TMEM132B: variants seen among roughly 807,000 people sequenced by gnomAD.
The protein encoded by TMEM132B is transmembrane protein 132B.
TMEM132B carries 18 observed loss-of-function variants against 90.8 expected under a neutral mutation model. That is an observed-to-expected ratio of 0.20 (90% CI 0.14 to 0.29). The LOEUF is 0.29. Ranked by LOEUF, TMEM132B falls within the 10% of genes least tolerant of loss-of-function variation. The probability of loss-of-function intolerance (pLI) is 1.00; values close to 1 mark genes in which losing one functional copy is unlikely to be tolerated. For missense variants in TMEM132B, 1,096 were observed against 1,326.8 expected (o/e 0.83, Z 2.70); for synonymous variants, 504 against 523.3 (o/e 0.96, Z 0.50).
intron 1 of TMEM132B, among the ~76,000 whole-genome samples, chr12:125,187,277 C>T (rs901493398): frequency 6.6e-6 from 1 of 152,190 alleles, no homozygotes; most frequent in Non-Finnish European, 1.5e-5. Context: ...TCTTGCTGCC[C>T]GCGGTCGCAC....
At chr12:125,582,657 C>G (rs1205932028) in intron 4 of TMEM132B, among the ~76,000 whole-genome samples, 1 of 152,186 alleles carries the variant, frequency 6.6e-6, no homozygotes, top group Non-Finnish European at 1.5e-5. Context: ...CTCAGTGGTT[C>G]TTTAATTCAC....
intron 1 of TMEM132B, among the ~76,000 whole-genome samples, chr12:125,300,159 AC>A (rs1875784909): frequency 6.8e-6 from 1 of 147,618 alleles, no homozygotes. Context: ...CCCTCTCCCT[AC>A]CCCAGCCACG....
At chr12:125,642,371 T>G (rs754228335) in intron 5 of TMEM132B, among the ~76,000 whole-genome samples, 13 of 152,216 alleles carry the variant, frequency 8.5e-5, no homozygotes, top group Non-Finnish European at 1.5e-4. Context: ...CTTGCTTCAT[T>G]GTTGTTCTTC....
intron 2 of TMEM132B, among the ~76,000 whole-genome samples, chr12:125,362,599 C>T (rs1340571243): frequency 6.6e-6 from 1 of 152,180 alleles, no homozygotes; most frequent in Non-Finnish European, 1.5e-5. Context: ...ACACTCACCA[C>T]ATAGCAATGT....
chr12:125,233,502 G>A (rs78004377), intron 1 of TMEM132B, among the ~76,000 whole-genome samples: 5,543 of 152,308 alleles, frequency 0.036, 116 homozygotes, highest in Non-Finnish European at 0.041. Flanking sequence ...CCCACCCCAT[G>A]CTTTTACTTA....
intron 3 of TMEM132B, among the ~76,000 whole-genome samples, chr12:125,421,385 A>G (rs939350049): frequency 7.9e-5 from 12 of 152,232 alleles, no homozygotes; most frequent in Admixed American, 1.3e-4. Flanking sequence ...TGAGGAGCAA[A>G]GTCACATCTT....
intron 5 of TMEM132B, among the ~76,000 whole-genome samples, chr12:125,637,938 G>A (rs944459981): frequency 6.6e-6 from 1 of 152,202 alleles, no homozygotes; most frequent in Non-Finnish European, 1.5e-5. Flanking sequence ...GTTTTCATGG[G>A]TGGACACTGC....
intron 1 of TMEM132B, among the ~76,000 whole-genome samples, chr12:125,336,391 C>T (rs1876961809): frequency 1.3e-5 from 2 of 152,198 alleles, no homozygotes; most frequent in South Asian, 4.1e-4. Context: ...ACCATTCCCT[C>T]AAATGACATT....
At position 125,401,503 on chromosome 12, in the gene TMEM132B, G is replaced by T. The variant is rs552319297; in HGVS notation, c.960-14028G>T. ...TTCACTGAGAGGTGACATTTGTCCAGATCTGAAGGAGATTAGGGAATGAGT... is the reference window on the plus strand; with the variant it reads ...TTCACTGAGAGGTGACATTTGTCCATATCTGAAGGAGATTAGGGAATGAGT... On this transcript the variant is annotated intron_variant, in intron 2 of 8. Transcript: ENST00000682704. Among the ~76,000 whole-genome samples, 218 of 152,254 alleles carry T rather than the reference G, an allele frequency of 1.4e-3. 1 individual carries two copies. Among genetic ancestry groups the T allele is most frequent in the Non-Finnish European group, 2.1e-3 (140 of 68,008 alleles).
chr12:125,279,494 A>G (rs11058121), intron 1 of TMEM132B, among the ~76,000 whole-genome samples: 9,460 of 152,218 alleles, frequency 0.062, 1,002 homozygotes, highest in African/African-American at 0.22. Flanking sequence ...CTAGTCCCCA[A>G]TACAAACCCT....
intron 1 of TMEM132B, among the ~76,000 whole-genome samples, chr12:125,293,272 G>T (rs1043107759): frequency 3.3e-5 from 5 of 152,220 alleles, no homozygotes; most frequent in African/African-American, 1.2e-4. Context: ...TTAGTAAAGC[G>T]TATTGCAGCA....
chr12:125,438,666 C>T (rs1880771504), intron 3 of TMEM132B, among the ~76,000 whole-genome samples: 2 of 102,546 alleles, frequency 2.0e-5, no homozygotes, highest in Non-Finnish European at 1.8e-5. Context: ...ATTCTCCTTC[C>T]TCCTTCTTCC....
At chr12:125,502,507 A>G (rs1294168633) in intron 3 of TMEM132B, among the ~76,000 whole-genome samples, 2 of 152,212 alleles carry the variant, frequency 1.3e-5, no homozygotes, top group Non-Finnish European at 2.9e-5. Flanking sequence ...TTCTGGACTG[A>G]AGGGAGATAC....
intron 1 of TMEM132B, among the ~76,000 whole-genome samples, chr12:125,224,729 T>C (rs1565978493): frequency 6.6e-6 from 1 of 152,266 alleles, no homozygotes. Context: ...CCATTTCTTT[T>C]AGAAAGCCTT....
rs893021843 is a variant in TMEM132B, at chr12:125,459,007, C to G, written c.1106+43330C>G. On this transcript the variant is annotated intron_variant, in intron 3 of 8. Coordinates refer to ENST00000682704, the MANE Select transcript of TMEM132B (RefSeq NM_001366854.1). This position sits in a 1 kb window ranked among gnomAD's most constrained non-coding sequence, Gnocchi z 4.1. The stretch of plus-strand genomic sequence containing the variant: ...GGAGCTCAGATTCCCTGTGGTCCCC[C>G]CATGTGCAATTAGCATCTTCGGGTG... Among the ~76,000 whole-genome samples the G allele has an allele frequency of 1.3e-5, 2 of 152,182 alleles. No homozygotes were observed. Among genetic ancestry groups the G allele is most frequent in the African/African-American group, 2.4e-5 (1 of 41,432 alleles).
intron 3 of TMEM132B, among the ~76,000 whole-genome samples, chr12:125,462,738 A>C (rs571383000): frequency 6.6e-6 from 1 of 152,208 alleles, no homozygotes; most frequent in Non-Finnish European, 1.5e-5. Context: ...AAATATTTCT[A>C]TGACCTTCTT....
chr12:125,467,678 C>T (rs887195376), intron 3 of TMEM132B, among the ~76,000 whole-genome samples: 2 of 152,178 alleles, frequency 1.3e-5, no homozygotes, highest in Non-Finnish European at 2.9e-5. Context: ...ATTCACATTG[C>T]TGTAGAACCA....
chr12:125,519,657 C>T lies in TMEM132B; in HGVS notation c.1293+32C>T, dbSNP rs186031674. 3.7e-5 allele frequency: 60 copies of T among 1,609,536 alleles called. No homozygotes were observed. In the Middle Eastern group the frequency reaches 7.3e-4, roughly 20 times the overall value. ...AATCTGGGGGTTTCAGAGGAAGTGT[C>T]ACAAAGAAGTTTTCTTTAAACATGA... On this transcript the variant is annotated intron_variant, in intron 4 of 8. Coordinates refer to ENST00000682704, the MANE Select transcript of TMEM132B (RefSeq NM_001366854.1).
At chr12:125,463,887 A>G (rs1881499809) in intron 3 of TMEM132B, among the ~76,000 whole-genome samples, 1 of 152,218 alleles carries the variant, frequency 6.6e-6, no homozygotes, top group Non-Finnish European at 1.5e-5. Flanking sequence ...ACTTAGAATC[A>G]TGGCGGAAGG....
Sources: allele counts gnomAD v4.1 joint callset (sites outside exome capture counted in the v4.1 genomes callset), GRCh38; gene constraint gnomAD v4.1.1; non-coding constraint Gnocchi (gnomAD v3.1); transcripts MANE v1.5; gene names NCBI Gene and HGNC (gene_info 2026-07-23, HGNC 2026-07-21).